Variants in WDFY4 observed in about 807,000 individuals in gnomAD.
The protein encoded by WDFY4 is WD repeat- and FYVE domain-containing protein 4.
In WDFY4, 169 loss-of-function variants were observed where a neutral mutation model predicts 351.9. That is an observed-to-expected ratio of 0.48 (90% confidence interval 0.42 to 0.55). The LOEUF (loss-of-function observed/expected upper bound fraction) is 0.55, where lower values mean the gene tolerates loss of function less well. WDFY4 is among the 20% of genes least tolerant of loss of function. WDFY4 has a pLI of 0.00. For missense variants in WDFY4, 3,803 were observed against 3,935.6 expected, an observed-to-expected ratio of 0.97 and a Z score of 0.90; for synonymous variants, 1,622 against 1,574.6, an observed-to-expected ratio of 1.03 and a Z score of -0.71.
intron 47 of WDFY4, among the ~76,000 whole-genome samples, chr10:48,927,376 G>C (rs1839660587): frequency 6.6e-6 from 1 of 152,162 alleles, no homozygotes; most frequent in South Asian, 2.1e-4. Context: ...GTGGGTGGTG[G>C]GGGGAGGGGA....
At chr10:48,949,866 T>G (rs1841235987) in intron 51 of WDFY4, among the ~76,000 whole-genome samples, 1 of 152,096 alleles carries the variant, frequency 6.6e-6, no homozygotes. Flanking sequence ...CTTTCTTTCT[T>G]AGGGTTCAGT....
At chr10:48,926,035 G>T (rs550052441) in intron 47 of WDFY4, among the ~76,000 whole-genome samples, 2 of 152,286 alleles carry the variant, frequency 1.3e-5, no homozygotes, top group East Asian at 3.9e-4. Context: ...TGTCTGATAC[G>T]CAAGCTGGTG....
In WDFY4 at chr10:48,830,903, T is replaced by C. The variant is rs1390383032; in HGVS notation, c.6526+18T>C. On this transcript the variant is annotated intron_variant, in intron 38 of 61. Transcript: ENST00000325239. ...TTACTTAGGTCTCTATCCACTCGGC[T>C]CCAGGGAATGGGAACTCCTGGGTCT... The C allele has an allele frequency of 2.6e-6, 4 of 1,544,320 alleles. No individual in the cohort carries two copies. Among genetic ancestry groups the C allele is most frequent in the Non-Finnish European group, 3.5e-6 (4 of 1,141,918 alleles).
intron 12 of WDFY4, among the ~76,000 whole-genome samples, chr10:48,751,847 G>A (rs2065193818): frequency 6.6e-6 from 1 of 152,132 alleles, no homozygotes. Flanking sequence ...GCTGCTGTGG[G>A]TGGCAGGATT....
At chr10:48,731,700 C>G in intron 9 of WDFY4, 138 bp downstream of exon 9, 1 of 1,093,338 alleles carries the variant, frequency 9.1e-7, no homozygotes, top group Non-Finnish European at 1.3e-6. Context: ...TTGGGACACA[C>G]AGTTTCACAA....
rs1384301806 is a variant in WDFY4 at position 48,778,754 on chromosome 10, G to A, written c.3319G>A (p.Val1107Ile). 7 of 1,551,670 alleles carry A rather than the reference G, an allele frequency of 4.5e-6. No individual in the cohort carries two copies. The South Asian group carries it at 8.3e-5, about 18-fold the overall frequency. ...CCTGGCCAGGACTGAGCAACCCTTT[G>A]TTTGCTTCTCCGTCAGCCTCTGCCC... ...RHLARTEQPF[V>I]CFSVSLCPDD... Residue 1107 changes from valine to isoleucine, a missense_variant, in exon 18 of 62, where the codon GTT (valine) becomes ATT (isoleucine). Physicochemically the swap from Val to Ile is conservative, Grantham distance 29 (BLOSUM62 3). Coordinates refer to ENST00000325239, the MANE Select transcript of WDFY4 (RefSeq NM_001394531.1).
chr10:48,864,128 TG>T (rs1182494760), intron 39 of WDFY4, among the ~76,000 whole-genome samples: 2 of 152,248 alleles, frequency 1.3e-5, no homozygotes, highest in African/African-American at 4.8e-5. Flanking sequence ...CTTTTATTTT[TG>T]GTGCCAAAAT....
chr10:48,920,559 A>G (rs573698769), intron 47 of WDFY4, among the ~76,000 whole-genome samples: 9 of 152,352 alleles, frequency 5.9e-5, no homozygotes, highest in Non-Finnish European at 1.2e-4. Flanking sequence ...TAGAGCTAGT[A>G]TCATACTTCG....
chr10:48,880,343 G>A (rs982965267), intron 43 of WDFY4, among the ~76,000 whole-genome samples: 4 of 152,214 alleles, frequency 2.6e-5, no homozygotes, highest in Non-Finnish European at 5.9e-5. Flanking sequence ...ATCTTGCTGG[G>A]GGAGCGGCAA....
chr10:48,717,140 T>G (rs1045939341), intron 2 of WDFY4, among the ~76,000 whole-genome samples: 1 of 152,336 alleles, frequency 6.6e-6, no homozygotes, highest in South Asian at 2.1e-4. Context: ...TGAGGATTAG[T>G]GGAGCTAATG....
rs185118885 is a variant in WDFY4 at position 48,838,471 on chromosome 10, G to A, written c.6663+5762G>A. Among the ~76,000 whole-genome samples, 736 of 152,306 alleles carry A rather than the reference G, an allele frequency of 4.8e-3. 4 individuals are homozygous for A. The highest frequency in any genetic ancestry group is 6.8e-3 in the Non-Finnish European group (465 of 68,032). ...TGCTGACTGAGGCCAGTAACTCAGT[G>A]ACAGCTCTGTTAAGGGCAGCTCTGG... On this transcript the variant is annotated intron_variant, in intron 39 of 61. Transcript: ENST00000325239.
intron 51 of WDFY4, among the ~76,000 whole-genome samples, chr10:48,953,862 T>C (rs1249007844): frequency 6.6e-6 from 1 of 152,226 alleles, no homozygotes; most frequent in Non-Finnish European, 1.5e-5. Flanking sequence ...TATGAATGTC[T>C]AATAGTGATT....
Position 48,795,496 on chromosome 10 carries a change from T to TATATATATAC in WDFY4, c.4258-793_4258-792insCATATATATA. ...TTTCATATATGTGTGTGTCTGTATA[T>TATATATATAC]ATATATATATATATATATATATATA... On this transcript the variant is annotated intron_variant, in intron 23 of 61. Coordinates refer to ENST00000325239, the MANE Select transcript of WDFY4 (RefSeq NM_001394531.1). 9.4e-5 allele frequency among the ~76,000 whole-genome samples: 4 copies of TATATATATAC among 42,776 alleles called. 1 individual carries two copies. In the South Asian group the frequency reaches 5.9e-3, roughly 63 times the overall value. 28.1% of individuals were successfully genotyped at this position (42,776 alleles called of 152,430 possible).
chr10:48,817,222 A>G, intron 31 of WDFY4, 23 bp from the exon 32 acceptor site: 1 of 1,550,638 alleles, frequency 6.4e-7, no homozygotes, highest in Non-Finnish European at 8.7e-7. Context: ...GCCCTGCACT[A>G]CCTCTCACCA....
At chr10:48,786,436 G>A (rs1323109576) in intron 19 of WDFY4, among the ~76,000 whole-genome samples, 1 of 152,060 alleles carries the variant, frequency 6.6e-6, no homozygotes, top group Non-Finnish European at 1.5e-5. Flanking sequence ...ATTTTCAAAA[G>A]GACAGTATCA....
At chr10:48,713,009 A>G (rs534130528) in intron 2 of WDFY4, among the ~76,000 whole-genome samples, 4 of 152,336 alleles carry the variant, frequency 2.6e-5, no homozygotes, top group Admixed American at 6.5e-5. Flanking sequence ...TTTTGGCCCA[A>G]AGAAAATTAA....
At chr10:48,707,181 A>G (rs1266777506) in intron 1 of WDFY4, among the ~76,000 whole-genome samples, 1 of 152,192 alleles carries the variant, frequency 6.6e-6, no homozygotes, top group Non-Finnish European at 1.5e-5. Flanking sequence ...GCTCATACTC[A>G]TTAGTAACTT....
chr10:48,805,925 A>G (rs2067238382), intron 26 of WDFY4, 79 bp from the exon 27 acceptor site: 3 of 1,219,834 alleles, frequency 2.5e-6, no homozygotes, highest in African/African-American at 3.0e-5. Flanking sequence ...GGGTGGGTCT[A>G]TGTGAAAACA....
At chr10:48,845,057 C>G (rs2127591) in intron 39 of WDFY4, among the ~76,000 whole-genome samples, 9,375 of 152,176 alleles carry the variant, frequency 0.062, 646 homozygotes, top group African/African-American at 0.17. Flanking sequence ...CCAGCAAATG[C>G]CAAAGCTCCG....
Sources: allele counts gnomAD v4.1 joint callset (sites outside exome capture counted in the v4.1 genomes callset), GRCh38; gene constraint gnomAD v4.1.1; transcripts MANE v1.5; gene names NCBI Gene and HGNC (gene_info 2026-07-23, HGNC 2026-07-21).